Variants in FGF12 observed in about 807,000 individuals in gnomAD.
FGF12 encodes the protein fibroblast growth factor 12, also known as fibroblast growth factor 12B.
Under a neutral mutation model 23.6 loss-of-function variants are expected in FGF12, and 14 were observed. The ratio of observed to expected loss-of-function variants is 0.59; its 90% CI spans 0.39 to 0.93. The LOEUF (loss-of-function observed/expected upper bound fraction) is 0.93, where lower values mean the gene tolerates loss of function less well. FGF12 is among the 40% of genes least tolerant of loss of function. The pLI is 0.00. For missense variants in FGF12, 175 were observed against 217.8 expected, an observed-to-expected ratio of 0.80 and a Z score of 1.24; for synonymous variants, 62 against 77.3, an observed-to-expected ratio of 0.80 and a Z score of 1.04.
chr3:192,193,015 G>A (rs975925880), intron 4 of FGF12, among the ~76,000 whole-genome samples: 5 of 152,212 alleles, frequency 3.3e-5, no homozygotes, highest in Admixed American at 6.5e-5. Context: ...TGTCTTTTTG[G>A]GAGGTAGGAA....
chr3:192,213,929 G>A (rs770902367), intron 4 of FGF12, among the ~76,000 whole-genome samples: 2 of 152,198 alleles, frequency 1.3e-5, no homozygotes, highest in Non-Finnish European at 2.9e-5. Context: ...TGATTCCAGG[G>A]TTGGGGAACT....
chr3:192,582,252 T>C (rs1224132520), intron 2 of FGF12, among the ~76,000 whole-genome samples: 1 of 152,220 alleles, frequency 6.6e-6, no homozygotes, highest in Non-Finnish European at 1.5e-5. Context: ...TAATCTGCCA[T>C]AGACTGTTAA....
intron 2 of FGF12, among the ~76,000 whole-genome samples, chr3:192,636,205 C>A (rs960082284): frequency 6.6e-6 from 1 of 152,194 alleles, no homozygotes; most frequent in African/African-American, 2.4e-5. Flanking sequence ...GACACTAGAT[C>A]ACCCTAGATT....
chr3:192,288,018 C>A (rs1714550752), intron 4 of FGF12, among the ~76,000 whole-genome samples: 1 of 151,890 alleles, frequency 6.6e-6, no homozygotes, highest in South Asian at 2.1e-4. Flanking sequence ...TAATAAGGCA[C>A]TAATCACTAA....
chr3:192,649,302 G>C (rs988321634), intron 2 of FGF12, among the ~76,000 whole-genome samples: 1 of 152,128 alleles, frequency 6.6e-6, no homozygotes, highest in Admixed American at 6.6e-5. Context: ...ATAGTAAGTA[G>C]AGTGACCCCA....
At chr3:192,485,559 T>A (rs905378352) in intron 2 of FGF12, among the ~76,000 whole-genome samples, 1 of 152,166 alleles carries the variant, frequency 6.6e-6, no homozygotes, top group Admixed American at 6.6e-5. Context: ...AGCAATTAGT[T>A]GATAAAACAT....
chr3:192,664,487 G>C lies in FGF12; in HGVS notation c.13+62694C>G, dbSNP rs142479594. Among the ~76,000 whole-genome samples the C allele has an allele frequency of 1.2e-3, 175 of 151,848 alleles. 1 individual carries two copies. The highest frequency in any genetic ancestry group is 4.1e-3 in the African/African-American group (169 of 41,396). ...CCAAAGGCGGGGCACGGTGGCTCAC[G>C]CCTGTAATCCCAGCACTTTGGGAGG... On this transcript the variant is annotated intron_variant, in intron 2 of 5. Coordinates refer to ENST00000445105, the MANE Select transcript of FGF12 (RefSeq NM_004113.6).
chr3:192,210,430 T>C (rs539635838), intron 4 of FGF12, among the ~76,000 whole-genome samples: 2 of 152,256 alleles, frequency 1.3e-5, no homozygotes, highest in African/African-American at 4.8e-5. Flanking sequence ...GAGCCAAGAG[T>C]AGTTCATGTC....
chr3:192,221,746 A>G (rs1308282576), intron 4 of FGF12, among the ~76,000 whole-genome samples: 3 of 152,220 alleles, frequency 2.0e-5, no homozygotes, highest in African/African-American at 7.2e-5. Flanking sequence ...ACAAAGATTT[A>G]CTGAAGTATA....
intron 3 of FGF12, among the ~76,000 whole-genome samples, chr3:192,348,598 T>C (rs141672729): frequency 1.3e-5 from 2 of 152,276 alleles, no homozygotes; most frequent in East Asian, 1.9e-4. Flanking sequence ...GCCTTCTTAA[T>C]GCCTTTTGAA....
intron 2 of FGF12, among the ~76,000 whole-genome samples, chr3:192,707,551 T>C: frequency 6.6e-6 from 1 of 151,836 alleles, no homozygotes; most frequent in Admixed American, 6.6e-5. Flanking sequence ...ATCGAGACCA[T>C]CCTGGCCAAC....
At chr3:192,238,724 C>T (rs1329612402) in intron 4 of FGF12, 2 of 152,142 alleles carry the variant, frequency 1.3e-5, no homozygotes, top group African/African-American at 4.8e-5. Flanking sequence ...ATTGCTCTTT[C>T]CATCATCTTA....
chr3:192,558,583 T>C (rs572804728), intron 2 of FGF12, among the ~76,000 whole-genome samples: 17 of 90,324 alleles, frequency 1.9e-4, no homozygotes, highest in Non-Finnish European at 3.0e-4. Flanking sequence ...AAAAAAATCC[T>C]AAAATTCATA....
Position 192,514,598 on chromosome 3 carries a change from G to A in FGF12, c.14-154060C>T. On this transcript the variant is annotated intron_variant, in intron 2 of 5. Transcript: ENST00000445105. This position sits in a 1 kb window ranked among gnomAD's most constrained non-coding sequence, Gnocchi z 4.9. The stretch of plus-strand genomic sequence containing the variant: ...GAATGAAGCAGAGGAGGGCGGCGGA[G>A]AGGGCCCCGGAAGAAGGGAAGGGGG... 4.1e-6 allele frequency: 3 copies of A among 727,042 alleles called. No homozygotes were observed. Among genetic ancestry groups the A allele is most frequent in the Non-Finnish European group, 5.1e-6 (3 of 593,812 alleles). The allele number at this position is 727,042 out of a possible 1,614,324, so 45.0% of individuals were successfully genotyped here. A position where few individuals can be genotyped will look rare whatever the true frequency, so the allele number is the denominator to read the frequency against.
chr3:192,722,100 C>T (rs1304801299), intron 2 of FGF12, among the ~76,000 whole-genome samples: 2 of 152,134 alleles, frequency 1.3e-5, no homozygotes, highest in African/African-American at 4.8e-5. Context: ...AACAATGTGG[C>T]AACTCGGTAT....
chr3:192,714,176 A>G (rs954385442), intron 2 of FGF12, among the ~76,000 whole-genome samples: 1 of 152,212 alleles, frequency 6.6e-6, no homozygotes, highest in Admixed American at 6.5e-5. Flanking sequence ...TTATATAGAT[A>G]AGGAAATCCA....
chr3:192,372,331 C>T (rs1240640391), intron 2 of FGF12, among the ~76,000 whole-genome samples: 1 of 151,960 alleles, frequency 6.6e-6, no homozygotes, highest in East Asian at 1.9e-4. Context: ...ATGTAAATTA[C>T]CTTCAGGTAT....
At chr3:192,455,868 C>A (rs764008266) in intron 2 of FGF12, among the ~76,000 whole-genome samples, 1 of 152,188 alleles carries the variant, frequency 6.6e-6, no homozygotes, top group Non-Finnish European at 1.5e-5. Flanking sequence ...CCCTCAAACA[C>A]AATTCCACAT....
At chr3:192,213,772 G>C (rs574351514) in intron 4 of FGF12, among the ~76,000 whole-genome samples, 1 of 152,290 alleles carries the variant, frequency 6.6e-6, no homozygotes, top group South Asian at 2.1e-4. Flanking sequence ...CTACTCACAG[G>C]CCTGTGATTC....
Sources: allele counts gnomAD v4.1 joint callset (sites outside exome capture counted in the v4.1 genomes callset), GRCh38; gene constraint gnomAD v4.1.1; non-coding constraint Gnocchi (gnomAD v3.1); transcripts MANE v1.5; gene names NCBI Gene and HGNC (gene_info 2026-07-23, HGNC 2026-07-21).